FRS3: variants seen among roughly 807,000 people sequenced by gnomAD.
FRS3 encodes the protein FGFR substrate 3.
FRS3 carries 17 observed loss-of-function variants against 41.9 expected under a neutral mutation model. That is an observed-to-expected ratio of 0.41 (90% CI 0.28 to 0.61). The LOEUF (loss-of-function observed/expected upper bound fraction) is 0.61. Among genes scored for constraint, FRS3 ranks in the 20% least tolerant of loss-of-function variants. The probability of loss-of-function intolerance (pLI) is 0.36; values close to 1 mark genes in which losing one functional copy is unlikely to be tolerated. For synonymous variants in FRS3, 287 were observed against 274.5 expected, an observed-to-expected ratio of 1.05 and a Z score of -0.45; for missense variants, 619 against 672.1, an observed-to-expected ratio of 0.92 and a Z score of 0.87.
At chr6:41,778,632 C>A (rs553010319) in intron 1 of FRS3, among the ~76,000 whole-genome samples, 4 of 152,320 alleles carry the variant, frequency 2.6e-5, no homozygotes, top group East Asian at 1.9e-4. Flanking sequence ...AACGCCCCCC[C>A]CAACTCCCAC....
In FRS3 at chr6:41,771,405, T is replaced by C. The variant is rs754989847; in HGVS notation, c.693A>G (p.Pro231=). Residue 231 remains proline (P), a synonymous_variant, in exon 7 of 7, where the codon CCA becomes CCG. Transcript: ENST00000373018. ...CCTGGCCTGGCTGCAAGAACACCTGTGGGTCCCGTTGGTCAGGTCCCCGGG... is the reference window on the plus strand; with the variant it reads ...CCTGGCCTGGCTGCAAGAACACCTGCGGGTCCCGTTGGTCAGGTCCCCGGG... ...PQARGPDQRD[P]QVFLQPGQVK... is the part of the protein sequence containing the mutation. The C allele has an allele frequency of 3.7e-6, 6 of 1,613,580 alleles. No individual in the cohort carries two copies. The South Asian group carries it at 6.6e-5, about 18-fold the overall frequency.
At chr6:41,776,784 C>CT (rs765122883) in intron 3 of FRS3, 138 bp downstream of exon 3, 19 of 746,346 alleles carry the variant, frequency 2.5e-5, no homozygotes, top group Non-Finnish European at 4.6e-5. Flanking sequence ...AGGGTGTGAG[C>CT]TCAAGAAGTC....
In FRS3 at chr6:41,777,008, G is replaced by C. The variant is rs201808306; in HGVS notation, c.-21C>G. On this transcript the variant is annotated splice_region_variant and 5_prime_UTR_variant, in exon 3 of 7. Transcript: ENST00000373018. ...CCCATGGTGTCAGAGCAGCCAGCCT[G>C]CCCTAGGAAAAACATACAGGATATG... is the stretch of plus-strand genomic sequence containing the variant. The C allele has an allele frequency of 2.5e-6, 4 of 1,612,732 alleles. No homozygotes were observed. In the East Asian group the frequency reaches 6.7e-5, roughly 27 times the overall value.
chr6:41,772,943 C>A lies in FRS3; in HGVS notation c.270G>T (p.Lys90Asn), dbSNP rs374582441. The A allele has an allele frequency of 8.1e-6, 13 of 1,613,954 alleles. No individual in the cohort carries two copies. The highest frequency in any genetic ancestry group is 9.3e-6 in the Non-Finnish European group (11 of 1,179,926). ...CQTGQGIFAF[K>N]CSRAEEIFNL... ...TGAAGATTTCCTCAGCCCGGGAACACTTAAATGCAAATATTCCTGGAGAAG... is the reference window on the plus strand; with the variant it reads ...TGAAGATTTCCTCAGCCCGGGAACAATTAAATGCAAATATTCCTGGAGAAG... The change falls in exon 5 of 7, where the codon AAG (lysine) becomes AAT (asparagine). Residue 90 changes from lysine (K) to asparagine (N), a missense_variant. This residue lies in a region of FRS3 where 100 missense variants were observed against 138.1 expected (regional missense o/e 0.72). Transcript: ENST00000373018.
chr6:41,776,311 A>T (rs556180977), intron 3 of FRS3: 1 of 152,444 alleles, frequency 6.6e-6, no homozygotes, highest in African/African-American at 2.4e-5. Flanking sequence ...ACCCAGGCTG[A>T]AGTGCAGCGG....
chr6:41,771,559 G>A (rs1772295613), intron 6 of FRS3, 26 bp from the exon 7 acceptor site: 1 of 1,497,714 alleles, frequency 6.7e-7, no homozygotes, highest in African/African-American at 1.4e-5. Flanking sequence ...AAGTGAGGCA[G>A]GAGTGTCCCA....
intron 1 of FRS3, among the ~76,000 whole-genome samples, chr6:41,779,410 G>A (rs578055749): frequency 1.1e-4 from 17 of 151,962 alleles, no homozygotes; most frequent in East Asian, 1.9e-4. Context: ...GGGGATATGA[G>A]GGATCCTAGG....
chr6:41,770,384 C>T lies in FRS3; in HGVS notation c.*235G>A, dbSNP rs891028637. The T allele has an allele frequency of 1.2e-5, 7 of 581,650 alleles. No individual in the cohort carries two copies. Among genetic ancestry groups the T allele is most frequent in the Admixed American group, 3.2e-5 (1 of 31,598 alleles). The allele number at this position is 581,650 out of a possible 1,614,324, so 36.0% of individuals were successfully genotyped here. ...AATCACAGGAACCCTTCACAGTTGACGTCTCGGCTCCCTCCTCGCCTGGTC... is the reference window on the plus strand; with the variant it reads ...AATCACAGGAACCCTTCACAGTTGATGTCTCGGCTCCCTCCTCGCCTGGTC... On this transcript the variant is annotated 3_prime_UTR_variant, in exon 7 of 7. Transcript: ENST00000373018.
intron 4 of FRS3, 136 bp downstream of exon 4, chr6:41,775,283 A>G (rs1581970653): frequency 4.6e-6 from 3 of 650,412 alleles, no homozygotes; most frequent in South Asian, 2.2e-5. Flanking sequence ...CTCTGACTGC[A>G]GGGAGAATAC....
Position 41,775,481 on chromosome 6 carries a change from C to A in FRS3, c.191G>T (p.Arg64Leu). Residue 64 changes from arginine (R) to leucine (L), a missense_variant, in exon 4 of 7, where the codon CGC becomes CTC. Coordinates refer to ENST00000373018, the MANE Select transcript of FRS3 (RefSeq NM_006653.5). ...GAAGAGGTTGGAGTCGTAGCCATAG[C>A]GCCGCAAGCAGAGATAAGGCCAGCG... ...AVRWPYLCLR[R>L]YGYDSNLFSF... 6.2e-7 allele frequency: 1 copy of A among 1,613,820 alleles called. No homozygotes were observed. Among genetic ancestry groups the A allele is most frequent in the Non-Finnish European group, 8.5e-7 (1 of 1,180,008 alleles).
rs1184728783 is a variant in FRS3, at chr6:41,771,965, C to G, written c.416-1G>C. 6.5e-7 allele frequency: 1 copy of G among 1,548,052 alleles called. No homozygotes were observed. The highest frequency in any genetic ancestry group is 8.7e-7 in the Non-Finnish European group (1 of 1,143,856). ...AAGCTGGAGACAGTGTAGCCTAGAG[C>G]TGAGCACACGGGAGACAAGCCCAGG... On this transcript the variant is annotated splice_acceptor_variant, in intron 5 of 6. Coordinates refer to ENST00000373018, the MANE Select transcript of FRS3 (RefSeq NM_006653.5). LOFTEE classifies it high-confidence loss of function.
At chr6:41,772,743 G>GGTGTGTGTGTGT (rs1449169837) in intron 5 of FRS3, 55 bp downstream of exon 5, 4 of 1,319,510 alleles carry the variant, frequency 3.0e-6, no homozygotes, top group East Asian at 5.2e-5. Context: ...GTGCTTCCTG[G>GGTGTGTGTGTGT]GCGTGTGTGT....
chr6:41,776,587 C>T (rs1041833945), intron 3 of FRS3: 7 of 252,994 alleles, frequency 2.8e-5, no homozygotes, highest in South Asian at 6.5e-5. Context: ...AAATACTTTA[C>T]GTATATTAAC....
In FRS3 at chr6:41,770,781, G is replaced by C; in HGVS notation, c.1317C>G (p.Pro439=). 1 of 1,612,434 alleles carries C rather than the reference G, an allele frequency of 6.2e-7. No individual in the cohort carries two copies. Among genetic ancestry groups the C allele is most frequent in the South Asian group, 1.1e-5 (1 of 91,052 alleles). ...RPKGPQNPSS[P]QAPMPTTHPA... ...GGTGGGTGGTGGGCATGGGGGCTTG[G>C]GGGCTCGAGGGGTTCTGGGGCCCCT... Residue 439 remains proline (P), a synonymous_variant, in exon 7 of 7, where the codon CCC becomes CCG. Transcript: ENST00000373018.
chr6:41,771,250 G>A lies in FRS3; in HGVS notation c.848C>T (p.Pro283Leu). The A allele has an allele frequency of 6.2e-7, 1 of 1,602,334 alleles. No homozygotes were observed. Among genetic ancestry groups the A allele is most frequent in the Non-Finnish European group, 8.5e-7 (1 of 1,172,338 alleles). Residue 283 changes from proline to leucine, a missense_variant, in exon 7 of 7, where the codon CCC (proline) becomes CTC (leucine). Physicochemically the swap from Pro to Leu is moderately conservative, Grantham distance 98. Around this residue, in one of 3 missense-constraint regions of FRS3, gnomAD observed 487 missense variants for 478.3 expected, o/e 1.02. Coordinates refer to ENST00000373018, the MANE Select transcript of FRS3 (RefSeq NM_006653.5). ...NEAPSECPAQ[P>L]KCTYENVTGG... ...GGTGACGTTCTCGTAGGTGCACTTG[G>A]GCTGGGCTGGACACTCAGAAGGGGC...
intron 4 of FRS3, among the ~76,000 whole-genome samples, chr6:41,774,103 C>T (rs1213292049): frequency 2.0e-5 from 3 of 152,024 alleles, no homozygotes; most frequent in Non-Finnish European, 4.4e-5. Flanking sequence ...GTGCCCGCTA[C>T]CATGCCCAGC....
Position 41,770,309 on chromosome 6 carries a change from G to A in FRS3, c.*310C>T, listed in dbSNP as rs986826875. 2.8e-5 allele frequency: 10 copies of A among 353,910 alleles called. No individual in the cohort carries two copies. Among genetic ancestry groups the A allele is most frequent in the African/African-American group, 1.3e-4 (6 of 47,588 alleles). The allele number at this position is 353,910 out of a possible 1,614,324, so 21.9% of individuals were successfully genotyped here. On this transcript the variant is annotated 3_prime_UTR_variant, in exon 7 of 7. Coordinates refer to ENST00000373018, the MANE Select transcript of FRS3 (RefSeq NM_006653.5). ...AATTCCAACCAAAAAAAACACACAC[G>A]GACAGTCGGCAGACAAGACAAATGG... is the stretch of plus-strand genomic sequence containing the variant.
At position 41,770,453 on chromosome 6, in the gene FRS3, G is replaced by T; in HGVS notation, c.*166C>A. The T allele has an allele frequency of 1.5e-6, 1 of 646,410 alleles. No homozygotes were observed. The highest frequency in any genetic ancestry group is 2.7e-6 in the Non-Finnish European group (1 of 370,988). The allele number at this position is 646,410 out of a possible 1,614,324, so 40.0% of individuals were successfully genotyped here. Reference sequence around the variant, plus strand: ...TGGAGACAGACCAGGAGACTCGGTGGCTGATATCTCTGGGGACTCCAGCCA... The same window carrying T: ...TGGAGACAGACCAGGAGACTCGGTGTCTGATATCTCTGGGGACTCCAGCCA... On this transcript the variant is annotated 3_prime_UTR_variant, in exon 7 of 7. Transcript: ENST00000373018.
chr6:41,771,456 C>G lies in FRS3; in HGVS notation c.642G>C (p.Glu214Asp). The change falls in exon 7 of 7, where the codon GAG becomes GAC. Residue 214 changes from glutamate (E) to aspartate (D), a missense_variant. Physicochemically the swap from Glu to Asp is conservative, Grantham distance 45. Transcript: ENST00000373018. Reference protein sequence around the residue: ...RGRHCLQPLPEGQAPFLPQAR... With the variant: ...RGRHCLQPLPDGQAPFLPQAR... ...CCTGCGGGAGGAAGGGTGCCTGACC[C>G]TCAGGCAGGGGCTGCAGGCAGTGGC... The G allele has an allele frequency of 6.2e-7, 1 of 1,606,092 alleles. No individual in the cohort carries two copies. The highest frequency in any genetic ancestry group is 8.5e-7 in the Non-Finnish European group (1 of 1,175,548).
Sources: gnomAD v4.1 joint callset for allele counts (sites outside exome capture counted in the v4.1 genomes callset) on GRCh38, gnomAD v4.1.1 for gene constraint, gnomAD v4.1.1 regional missense constraint, MANE v1.5 for transcripts, NCBI Gene and HGNC (gene_info 2026-07-23, HGNC 2026-07-21) for gene names.